Variants in ZFTRAF1 observed in about 807,000 individuals in gnomAD.
ZFTRAF1 encodes the protein zinc finger TRAF-type-containing protein 1.
the ZFTRAF1 span, chr8:144,455,833 G>C: frequency 1.3e-5 from 2 of 152,250 alleles, no homozygotes; most frequent in African/African-American, 2.4e-5. Flanking sequence ...ACCCTCCTAA[G>C]GGAGCACTGA....
At chr8:144,451,952 G>C in the ZFTRAF1 span, 1 of 289,638 alleles carries the variant, frequency 3.5e-6, no homozygotes, top group South Asian at 3.5e-5. Flanking sequence ...TCACTCGGCA[G>C]GGTGCTCTTC....
chr8:144,450,892 A>G, the ZFTRAF1 span: 7 of 600,316 alleles, frequency 1.2e-5, no homozygotes, highest in South Asian at 2.0e-5. Flanking sequence ...TTACCCGGAC[A>G]CCGGGCTCTG....
At chr8:144,455,808 G>A in the ZFTRAF1 span, 14 of 152,178 alleles carry the variant, frequency 9.2e-5, no homozygotes, top group African/African-American at 1.9e-4. Context: ...AGGAAGATTC[G>A]AGGTGGGGTC....
chr8:144,453,500 G>A, the ZFTRAF1 span: 106 of 1,515,468 alleles, frequency 7.0e-5, 1 homozygote, highest in Middle Eastern at 5.1e-4. Flanking sequence ...ACAGACCTGC[G>A]GGCTCATGCT....
At chr8:144,453,786 G>C in the ZFTRAF1 span, 3 of 289,806 alleles carry the variant, frequency 1.0e-5, no homozygotes, top group African/African-American at 6.4e-5. Context: ...AGGGACCAGC[G>C]ACTGCCCTGA....
chr8:144,458,879 G>A, the ZFTRAF1 span, among the ~76,000 whole-genome samples: 1 of 152,198 alleles, frequency 6.6e-6, no homozygotes, highest in Admixed American at 6.5e-5. Context: ...TAGAGGGAGC[G>A]GCTGGACCAC....
chr8:144,462,671 G>C, the ZFTRAF1 span: 2 of 143,372 alleles, frequency 1.4e-5, no homozygotes, highest in African/African-American at 5.1e-5. Context: ...CGGCCGGCCC[G>C]GCGGGCGGAT....
chr8:144,452,697 AC>A, the ZFTRAF1 span: 14 of 849,444 alleles, frequency 1.6e-5, no homozygotes, highest in South Asian at 3.4e-5. Context: ...CTGTGAGCCC[AC>A]CCCCCAGGAT....
the ZFTRAF1 span, chr8:144,452,256 G>A: frequency 2.0e-5 from 26 of 1,290,252 alleles, no homozygotes; most frequent in South Asian, 7.6e-5. Flanking sequence ...GCTGTCCGGC[G>A]CTGTCAGTGC....
the ZFTRAF1 span, among the ~76,000 whole-genome samples, chr8:144,461,120 G>A: frequency 1.3e-5 from 2 of 152,140 alleles, no homozygotes; most frequent in South Asian, 2.1e-4. Flanking sequence ...GGGTCCTCCC[G>A]ACAAGGTCAT....
chr8:144,450,471 G>A, the ZFTRAF1 span: 2 of 718,376 alleles, frequency 2.8e-6, no homozygotes, highest in Non-Finnish European at 5.2e-6. Flanking sequence ...ATGGGCAGTG[G>A]CACGTAGTCC....
At chr8:144,453,467 A>G in the ZFTRAF1 span, 1 of 1,545,680 alleles carries the variant, frequency 6.5e-7, no homozygotes, top group Non-Finnish European at 8.8e-7. Context: ...TACACTGCGA[A>G]GAAGGAAAGG....
chr8:144,460,227 G>A, the ZFTRAF1 span, among the ~76,000 whole-genome samples: 3 of 152,218 alleles, frequency 2.0e-5, no homozygotes, highest in African/African-American at 7.2e-5. Context: ...AGAGCCCCCA[G>A]GCCAGGGAGG....
chr8:144,453,503 C>T, the ZFTRAF1 span: 1 of 1,505,426 alleles, frequency 6.6e-7, no homozygotes, highest in African/African-American at 1.4e-5. Flanking sequence ...GACCTGCGGG[C>T]TCATGCTCGC....
chr8:144,449,781 T>C, the ZFTRAF1 span: 145,953 of 158,062 alleles, frequency 0.92, 68,169 homozygotes, highest in Non-Finnish European at 1. Flanking sequence ...CATGACAGAG[T>C]GTAGGGGGAG....
chr8:144,452,637 C>T, the ZFTRAF1 span: 1,400,192 of 1,443,280 alleles, frequency 0.97, 683,437 homozygotes, highest in Non-Finnish European at 1. Context: ...AGCTGTCCTC[C>T]CATATGGCTT....
At chr8:144,452,180 T>A in the ZFTRAF1 span, 1 of 753,822 alleles carries the variant, frequency 1.3e-6, no homozygotes, top group Non-Finnish European at 2.3e-6. Flanking sequence ...CTCCTTCCAC[T>A]CAGTCTCCGG....
the ZFTRAF1 span, chr8:144,453,295 C>T: frequency 1.3e-6 from 2 of 1,551,200 alleles, no homozygotes; most frequent in Non-Finnish European, 1.7e-6. Flanking sequence ...AAGCCACACT[C>T]TGAAGGCAGC....
chr8:144,455,389 G>A, the ZFTRAF1 span: 1 of 152,228 alleles, frequency 6.6e-6, no homozygotes, highest in Non-Finnish European at 1.5e-5. Flanking sequence ...CTCTGACTGG[G>A]TTGGGGACAA....
Sources: allele counts gnomAD v4.1 joint callset (sites outside exome capture counted in the v4.1 genomes callset), GRCh38; gene constraint gnomAD v4.1.1; transcripts MANE v1.5; gene names NCBI Gene and HGNC (gene_info 2026-07-23, HGNC 2026-07-21).